Variants in DENND1A observed in about 807,000 individuals in gnomAD.
DENND1A encodes the protein DENN domain containing 1A.
Under a neutral mutation model 113.7 loss-of-function variants are expected in DENND1A, and 51 were observed. The ratio of observed to expected loss-of-function variants is 0.45; its 90% CI spans 0.36 to 0.57. The LOEUF is 0.57. DENND1A is among the 20% of genes least tolerant of loss of function. DENND1A has a pLI of 0.00. For synonymous variants in DENND1A, 565 were observed against 570.8 expected, an observed-to-expected ratio of 0.99 and a Z score of 0.14; for missense variants, 1,258 against 1,395.9, an observed-to-expected ratio of 0.90 and a Z score of 1.57.
intron 13 of DENND1A, among the ~76,000 whole-genome samples, chr9:123,516,164 G>A (rs953156498): frequency 3.3e-5 from 5 of 150,362 alleles, no homozygotes; most frequent in African/African-American, 1.2e-4. Context: ...ACAAAGGTTG[G>A]GGGGAGAGTA....
intron 2 of DENND1A, among the ~76,000 whole-genome samples, chr9:123,835,969 A>G (rs1262786060): frequency 6.6e-6 from 1 of 152,206 alleles, no homozygotes; most frequent in Admixed American, 6.5e-5. Context: ...AAGAAGGGCT[A>G]TCTCAGAATT....
chr9:123,470,817 T>C (rs1290780849), intron 13 of DENND1A, among the ~76,000 whole-genome samples: 1 of 152,112 alleles, frequency 6.6e-6, no homozygotes, highest in Non-Finnish European at 1.5e-5. Context: ...TTGTCAGAAT[T>C]ATTTATTAGC....
intron 13 of DENND1A, among the ~76,000 whole-genome samples, chr9:123,501,637 A>C (rs1419441138): frequency 6.6e-6 from 1 of 152,216 alleles, no homozygotes; most frequent in Non-Finnish European, 1.5e-5. Context: ...ATTGAATTGA[A>C]AGATGCAAAG....
At chr9:123,469,152 G>A (rs953270300) in intron 13 of DENND1A, among the ~76,000 whole-genome samples, 1 of 152,226 alleles carries the variant, frequency 6.6e-6, no homozygotes, top group African/African-American at 2.4e-5. Context: ...ATTTTGGGGT[G>A]ACAGGACCAA....
At chr9:123,464,462 T>A (rs764399607) in intron 13 of DENND1A, among the ~76,000 whole-genome samples, 22 of 152,336 alleles carry the variant, frequency 1.4e-4, no homozygotes, top group Middle Eastern at 3.4e-3. Flanking sequence ...AGACATTACG[T>A]GAAGTGAAAT....
intron 13 of DENND1A, among the ~76,000 whole-genome samples, chr9:123,539,147 A>T (rs2056084663): frequency 6.6e-6 from 1 of 152,156 alleles, no homozygotes; most frequent in Non-Finnish European, 1.5e-5. Flanking sequence ...GGCTACTAAG[A>T]TCACTAAAAC....
At chr9:123,690,751 G>A (rs544506518) in intron 5 of DENND1A, among the ~76,000 whole-genome samples, 13 of 152,312 alleles carry the variant, frequency 8.5e-5, no homozygotes, top group Non-Finnish European at 1.3e-4. Context: ...TGGTCTTGCC[G>A]AAGGGCTAGG....
At chr9:123,553,696 C>T (rs1382155720) in intron 13 of DENND1A, among the ~76,000 whole-genome samples, 1 of 152,144 alleles carries the variant, frequency 6.6e-6, no homozygotes, top group African/African-American at 2.4e-5. Context: ...AACCTGCCAC[C>T]ACTGTATCTC....
chr9:123,575,093 AC>A (rs1250624424), intron 12 of DENND1A, among the ~76,000 whole-genome samples: 1 of 152,112 alleles, frequency 6.6e-6, no homozygotes, highest in African/African-American at 2.4e-5. Flanking sequence ...CAGTCCCACG[AC>A]CTTTTTGGCA....
chr9:123,915,848 C>T (rs1002545191), intron 1 of DENND1A, among the ~76,000 whole-genome samples: 5 of 152,086 alleles, frequency 3.3e-5, no homozygotes, highest in Admixed American at 6.6e-5. Flanking sequence ...TGTAACTTTG[C>T]ATGCACTTGT....
rs963583408 is a variant in DENND1A at position 123,509,718 on chromosome 9, C to A, written c.993+47852G>T. ...CAGACTTTCCTCCTGAACTGCAAGACCTGTTCTATCCATTGTATGCTGGAT... is the reference window on the plus strand; with the variant it reads ...CAGACTTTCCTCCTGAACTGCAAGAACTGTTCTATCCATTGTATGCTGGAT... On this transcript the variant is annotated intron_variant, in intron 13 of 23. Coordinates refer to ENST00000394215, the MANE Select transcript of DENND1A (RefSeq NM_001352964.2). 2.6e-5 allele frequency among the ~76,000 whole-genome samples: 4 copies of A among 152,204 alleles called. No homozygotes were observed. In the East Asian group the frequency reaches 5.8e-4, roughly 22 times the overall value.
chr9:123,870,323 A>G (rs535381554), intron 2 of DENND1A, among the ~76,000 whole-genome samples: 21 of 149,602 alleles, frequency 1.4e-4, no homozygotes, highest in Non-Finnish European at 2.5e-4. Flanking sequence ...CGGCTGGAAT[A>G]CAGTGATGTG....
intron 1 of DENND1A, among the ~76,000 whole-genome samples, chr9:123,916,978 T>A (rs1855260834): frequency 6.6e-6 from 1 of 151,730 alleles, no homozygotes; most frequent in African/African-American, 2.4e-5. Context: ...TCACTTGAGG[T>A]CAGGAGACCA....
chr9:123,398,410 T>C (rs1244976776), intron 21 of DENND1A, among the ~76,000 whole-genome samples: 4 of 152,164 alleles, frequency 2.6e-5, no homozygotes, highest in East Asian at 3.9e-4. Context: ...CGTCTCACTC[T>C]GTCACCCAGG....
chr9:123,810,852 G>A lies in DENND1A; in HGVS notation c.89-18222C>T, dbSNP rs557060151. On this transcript the variant is annotated intron_variant, in intron 2 of 23. Transcript: ENST00000394215. ...TGGCTCACTGCAACCTCTGCCTCCC[G>A]GGTTCAAGTGATTCTCCTGCCTCAG... is the stretch of plus-strand genomic sequence containing the variant. Among the ~76,000 whole-genome samples, 25 of 150,740 alleles carry A rather than the reference G, an allele frequency of 1.7e-4. No homozygotes were observed. In the East Asian group the frequency reaches 3.1e-3, roughly 19 times the overall value.
At chr9:123,724,878 C>T (rs1384223867) in intron 5 of DENND1A, among the ~76,000 whole-genome samples, 3 of 152,210 alleles carry the variant, frequency 2.0e-5, no homozygotes, top group Admixed American at 2.0e-4. Context: ...TCTGAACTTC[C>T]ATTCTAATTT....
At chr9:123,759,885 G>C (rs953439133) in intron 4 of DENND1A, 1 of 152,150 alleles carries the variant, frequency 6.6e-6, no homozygotes, top group Non-Finnish European at 1.5e-5. Flanking sequence ...TAAATGCTTA[G>C]ATCCCATAAA....
intron 2 of DENND1A, among the ~76,000 whole-genome samples, chr9:123,804,098 A>G (rs1835145636): frequency 6.6e-6 from 1 of 152,258 alleles, no homozygotes; most frequent in Non-Finnish European, 1.5e-5. Flanking sequence ...AACCCGTGGA[A>G]GGTGATTGAA....
chr9:123,841,906 T>G (rs1841896052), intron 2 of DENND1A, among the ~76,000 whole-genome samples: 1 of 152,176 alleles, frequency 6.6e-6, no homozygotes, highest in South Asian at 2.1e-4. Flanking sequence ...TGCTGCTCAG[T>G]GGAAGGGGAC....
Sources: allele counts gnomAD v4.1 joint callset (sites outside exome capture counted in the v4.1 genomes callset), GRCh38; gene constraint gnomAD v4.1.1; transcripts MANE v1.5; gene names NCBI Gene and HGNC (gene_info 2026-07-23, HGNC 2026-07-21).